Variants in DPYD observed in about 807,000 individuals in gnomAD.
DPYD encodes dihydropyrimidine dehydrogenase.
In DPYD, 109 loss-of-function variants were observed where a neutral mutation model predicts 116.2. The ratio of observed to expected loss-of-function variants is 0.94; its 90% CI spans 0.80 to 1.10. The LOEUF (loss-of-function observed/expected upper bound fraction) is 1.10. Ranked by LOEUF, DPYD falls within the 50% of genes least tolerant of loss-of-function variation. The probability of loss-of-function intolerance (pLI) is 0.00; values close to 1 mark genes in which losing one functional copy is unlikely to be tolerated. For missense variants in DPYD, 1,302 were observed against 1,254.5 expected (o/e 1.04, Z -0.57); for synonymous variants, 440 against 432.0 (o/e 1.02, Z -0.23).
chr1:97,733,290 T>A (rs1431814361), intron 4 of DPYD, among the ~76,000 whole-genome samples: 2 of 152,066 alleles, frequency 1.3e-5, no homozygotes, highest in Non-Finnish European at 2.9e-5. Flanking sequence ...TAATATATTG[T>A]TTTTATTATA....
chr1:97,341,917 C>A (rs1455721692), intron 16 of DPYD, among the ~76,000 whole-genome samples: 1 of 152,128 alleles, frequency 6.6e-6, no homozygotes, highest in Non-Finnish European at 1.5e-5. Context: ...AAACCAGCAA[C>A]AAATGCTACA....
rs1009320231 is a variant in DPYD, at chr1:97,408,012, C to T, written c.1906-25551G>A. Among the ~76,000 whole-genome samples, 13 of 152,234 alleles carry T rather than the reference C, an allele frequency of 8.5e-5. No individual in the cohort carries two copies. The East Asian group carries it at 9.7e-4, about 11-fold the overall frequency. On this transcript the variant is annotated intron_variant, in intron 14 of 22. Coordinates refer to ENST00000370192, the MANE Select transcript of DPYD (RefSeq NM_000110.4). Reference sequence around the variant, plus strand: ...ATCAAGATGAAATCAGTCTACTACTCCACAACGGAGATAAGGAAGATTATG... The same window carrying T: ...ATCAAGATGAAATCAGTCTACTACTTCACAACGGAGATAAGGAAGATTATG...
At chr1:97,800,538 A>C (rs1168502274) in intron 3 of DPYD, among the ~76,000 whole-genome samples, 4 of 151,950 alleles carry the variant, frequency 2.6e-5, no homozygotes, top group African/African-American at 9.7e-5. Flanking sequence ...TCCCCAGAAT[A>C]ACTCATTAAA....
Position 97,304,634 on chromosome 1 carries a change from C to T in DPYD, c.2299+625G>A, listed in dbSNP as rs372651550. 7.2e-5 allele frequency among the ~76,000 whole-genome samples: 11 copies of T among 152,118 alleles called. No individual in the cohort carries two copies. The East Asian group carries it at 1.8e-3, about 24-fold the overall frequency. On this transcript the variant is annotated intron_variant, in intron 18 of 22. Coordinates refer to ENST00000370192, the MANE Select transcript of DPYD (RefSeq NM_000110.4). ...CAAACCAGTACAGTCAAGAACCTTA[C>T]AGCATTGTCTTTGCAAGACCAAGTT...
intron 18 of DPYD, among the ~76,000 whole-genome samples, chr1:97,261,154 C>T (rs928474806): frequency 1.9e-4 from 29 of 152,026 alleles, no homozygotes; most frequent in African/African-American, 7.0e-4. Flanking sequence ...ACATGACAAA[C>T]AAGTCACTGG....
At chr1:97,545,917 G>A (rs1650813373) in intron 12 of DPYD, 3 of 1,085,670 alleles carry the variant, frequency 2.8e-6, no homozygotes, top group Admixed American at 1.7e-5. Context: ...CCAGGATTTG[G>A]TGAGTTTAAA....
intron 5 of DPYD, among the ~76,000 whole-genome samples, chr1:97,719,102 C>T (rs76636128): frequency 0.014 from 1,734 of 119,978 alleles, 31 homozygotes; most frequent in African/African-American, 0.053. Context: ...TTTCACACTG[C>T]AAATGTGGAA....
chr1:97,788,995 G>T (rs985731802), intron 3 of DPYD, among the ~76,000 whole-genome samples: 7 of 151,986 alleles, frequency 4.6e-5, no homozygotes, highest in Non-Finnish European at 1.0e-4. Context: ...GTAGAGATGG[G>T]GTTTCACCAC....
intron 19 of DPYD, among the ~76,000 whole-genome samples, chr1:97,219,035 A>G (rs1557947474): frequency 6.6e-6 from 1 of 152,236 alleles, no homozygotes; most frequent in Admixed American, 6.5e-5. Context: ...GAAGAAAGAT[A>G]GTAATCATCA....
At chr1:97,730,039 A>G (rs1472624228) in intron 4 of DPYD, among the ~76,000 whole-genome samples, 1 of 152,174 alleles carries the variant, frequency 6.6e-6, no homozygotes, top group Non-Finnish European at 1.5e-5. Flanking sequence ...GCCAGAAAGC[A>G]CTTTGTACAA....
intron 8 of DPYD, among the ~76,000 whole-genome samples, chr1:97,597,461 G>A (rs1654962598): frequency 1.3e-5 from 2 of 152,082 alleles, no homozygotes; most frequent in South Asian, 4.2e-4. Context: ...CCAGTTCTGT[G>A]GTATTGTATA....
chr1:97,217,184 G>A (rs1459353545), intron 19 of DPYD, among the ~76,000 whole-genome samples: 3 of 152,234 alleles, frequency 2.0e-5, no homozygotes, highest in South Asian at 2.1e-4. Flanking sequence ...CTCCAGCCTC[G>A]GCGACAGAGC....
At chr1:97,854,437 G>A (rs1053297647) in intron 2 of DPYD, among the ~76,000 whole-genome samples, 3 of 152,204 alleles carry the variant, frequency 2.0e-5, no homozygotes, top group South Asian at 2.1e-4. Context: ...ATAGTTCAAA[G>A]AGCCATCCAC....
intron 14 of DPYD, among the ~76,000 whole-genome samples, chr1:97,431,434 C>T (rs1675171402): frequency 6.6e-6 from 1 of 152,100 alleles, no homozygotes; most frequent in Non-Finnish European, 1.5e-5. Flanking sequence ...GATTTCTGCT[C>T]CAATCTCTAT....
At chr1:97,301,946 A>C (rs1292600147) in intron 18 of DPYD, among the ~76,000 whole-genome samples, 1 of 152,046 alleles carries the variant, frequency 6.6e-6, no homozygotes, top group Non-Finnish European at 1.5e-5. Flanking sequence ...AAACAAGAAA[A>C]AAAGAAATTA....
chr1:97,897,853 T>C (rs540308327), intron 1 of DPYD, among the ~76,000 whole-genome samples: 1 of 152,040 alleles, frequency 6.6e-6, no homozygotes, highest in South Asian at 2.1e-4. Context: ...ATCCTCATTA[T>C]GGGTGGTATT....
chr1:97,349,706 A>G (rs1570572741), intron 16 of DPYD, among the ~76,000 whole-genome samples: 1 of 152,090 alleles, frequency 6.6e-6, no homozygotes, highest in Non-Finnish European at 1.5e-5. Flanking sequence ...ATAGTATTCC[A>G]TGGTGTATAT....
At chr1:97,358,742 C>T (rs1445614799) in intron 16 of DPYD, among the ~76,000 whole-genome samples, 1 of 152,110 alleles carries the variant, frequency 6.6e-6, no homozygotes, top group Non-Finnish European at 1.5e-5. Flanking sequence ...GGAAAACTAA[C>T]AAACAGAAAG....
intron 20 of DPYD, among the ~76,000 whole-genome samples, chr1:97,173,217 T>C (rs1030538088): frequency 3.7e-5 from 5 of 135,004 alleles, no homozygotes; most frequent in Admixed American, 7.2e-5. Context: ...TATATACACA[T>C]ATACGTACAT....
Sources: gnomAD v4.1 joint callset for allele counts (sites outside exome capture counted in the v4.1 genomes callset) on GRCh38, gnomAD v4.1.1 for gene constraint, MANE v1.5 for transcripts, NCBI Gene and HGNC (gene_info 2026-07-23, HGNC 2026-07-21) for gene names.